Variants in AATF observed in about 807,000 individuals in gnomAD.
AATF encodes protein AATF.
Under a neutral mutation model 63.7 loss-of-function variants are expected in AATF, and 48 were observed. That is an observed-to-expected ratio of 0.75 (90% CI 0.60 to 0.96). AATF has a LOEUF of 0.96. Among genes scored for constraint, AATF ranks in the 40% least tolerant of loss-of-function variants. The pLI is 0.00. For synonymous variants in AATF, 258 were observed against 247.7 expected (o/e 1.04, Z -0.39); for missense variants, 639 against 685.7 (o/e 0.93, Z 0.76).
At chr17:37,053,828 T>C (rs2071774933) in intron 11 of AATF, among the ~76,000 whole-genome samples, 1 of 152,128 alleles carries the variant, frequency 6.6e-6, no homozygotes, top group Non-Finnish European at 1.5e-5. Context: ...ATTGCGCCAC[T>C]GCACTCCAGC....
intron 8 of AATF, among the ~76,000 whole-genome samples, chr17:36,998,022 A>G (rs998220334): frequency 1.3e-5 from 2 of 152,192 alleles, no homozygotes; most frequent in African/African-American, 4.8e-5. Flanking sequence ...GAGCTAAGCT[A>G]TGAGGACACA....
chr17:37,020,828 G>A lies in AATF; in HGVS notation c.1467-106G>A, dbSNP rs1398116630. 4 of 881,732 alleles carry A rather than the reference G, an allele frequency of 4.5e-6. No homozygotes were observed. The East Asian group carries it at 8.8e-5, about 19-fold the overall frequency. The allele number at this position is 881,732 out of a possible 1,614,324, so 54.6% of individuals were successfully genotyped here. ...AAACTAGCTTGAGGAACTTGATGTA[G>A]GTTGATGATTTCTTTCTGCAGGGTT... On this transcript the variant is annotated intron_variant, in intron 9 of 11. Coordinates refer to ENST00000619387, the MANE Select transcript of AATF (RefSeq NM_012138.4).
At chr17:37,016,547 CAT>C (rs1217667960) in intron 8 of AATF, among the ~76,000 whole-genome samples, 1 of 152,106 alleles carries the variant, frequency 6.6e-6, no homozygotes, top group Non-Finnish European at 1.5e-5. Context: ...TTCCAAATCA[CAT>C]AGAAAATTAC....
intron 8 of AATF, among the ~76,000 whole-genome samples, chr17:37,017,766 A>C (rs1597727390): frequency 6.6e-6 from 1 of 152,316 alleles, no homozygotes; most frequent in South Asian, 2.1e-4. Context: ...TTTGCAATAA[A>C]GATTCATCTT....
intron 11 of AATF, among the ~76,000 whole-genome samples, chr17:37,049,850 C>A (rs1317365608): frequency 6.6e-6 from 1 of 152,130 alleles, no homozygotes; most frequent in African/African-American, 2.4e-5. Context: ...ATAGATAGAA[C>A]AGAAGAGAGT....
rs538644442 is a variant in AATF at position 36,994,149 on chromosome 17, G to A, written c.1398+3292G>A. Among the ~76,000 whole-genome samples the A allele has an allele frequency of 5.9e-5, 9 of 152,198 alleles. No individual in the cohort carries two copies. The South Asian group carries it at 1.2e-3, about 21-fold the overall frequency. ...TGACACCCTGAGAAGTTAAGTAACC[G>A]TCTGACATCATATAGTAAATGGCAA... is the stretch of plus-strand genomic sequence containing the variant. On this transcript the variant is annotated intron_variant, in intron 8 of 11. Coordinates refer to ENST00000619387, the MANE Select transcript of AATF (RefSeq NM_012138.4).
intron 11 of AATF, among the ~76,000 whole-genome samples, chr17:37,049,563 C>T (rs2071728050): frequency 6.6e-6 from 1 of 151,452 alleles, no homozygotes; most frequent in Non-Finnish European, 1.5e-5. Flanking sequence ...CGAGATGGCG[C>T]CACTGCACTC....
chr17:36,969,829 C>G (rs1159604572), intron 4 of AATF, among the ~76,000 whole-genome samples: 3 of 152,274 alleles, frequency 2.0e-5, no homozygotes, highest in South Asian at 2.1e-4. Flanking sequence ...CTATTTGTCC[C>G]TAGGCAACCA....
chr17:36,950,459 A>G (rs2070846137), intron 2 of AATF, 54 bp downstream of exon 2: 3 of 1,531,072 alleles, frequency 2.0e-6, no homozygotes, highest in South Asian at 2.3e-5. Context: ...TTTCAGGGTT[A>G]AAATCCTCCG....
Position 36,949,311 on chromosome 17 carries a change from G to C in AATF, c.91+95G>C, listed in dbSNP as rs535525047. 2.0e-4 allele frequency: 240 copies of C among 1,210,014 alleles called. No homozygotes were observed. The South Asian group carries it at 3.5e-3, about 18-fold the overall frequency. The allele number at this position is 1,210,014 out of a possible 1,614,324, so 75.0% of individuals were successfully genotyped here. On this transcript the variant is annotated intron_variant, in intron 1 of 11. Transcript: ENST00000619387. Reference sequence around the variant, plus strand: ...GGGAGGGGCGTGCGCGAGGCCGCCGGGCCTGCGCTCCTTCGCTTGGCGCAG... The same window carrying C: ...GGGAGGGGCGTGCGCGAGGCCGCCGCGCCTGCGCTCCTTCGCTTGGCGCAG...
intron 10 of AATF, 194 bp from the exon 11 acceptor site, chr17:37,031,420 C>T (rs1472481792): frequency 5.0e-6 from 3 of 605,856 alleles, no homozygotes; most frequent in Non-Finnish European, 8.9e-6. Flanking sequence ...AACCATTCCT[C>T]CACAGATACC....
At chr17:36,975,239 G>T (rs760096511) in intron 4 of AATF, among the ~76,000 whole-genome samples, 1 of 151,826 alleles carries the variant, frequency 6.6e-6, no homozygotes, top group African/African-American at 2.4e-5. Flanking sequence ...ATGCCTGCAG[G>T]TCTTTTTTTT....
At chr17:36,975,899 C>T (rs763901696) in intron 4 of AATF, among the ~76,000 whole-genome samples, 86 of 152,306 alleles carry the variant, frequency 5.6e-4, no homozygotes, top group Non-Finnish European at 1.0e-3. Flanking sequence ...AGCATCTTCT[C>T]TGATGTACAT....
intron 11 of AATF, 48 bp from the exon 12 acceptor site, chr17:37,056,553 T>C: frequency 6.3e-7 from 1 of 1,594,574 alleles, no homozygotes; most frequent in Non-Finnish European, 8.6e-7. Context: ...TTTTTAACCT[T>C]GAATAGTGAA....
chr17:37,005,353 A>G (rs2071334098), intron 8 of AATF, among the ~76,000 whole-genome samples: 1 of 152,168 alleles, frequency 6.6e-6, no homozygotes, highest in Non-Finnish European at 1.5e-5. Context: ...GAGAGAAGTA[A>G]GCACAGGAGG....
chr17:36,976,176 T>C (rs991713689), intron 4 of AATF, among the ~76,000 whole-genome samples: 2 of 152,242 alleles, frequency 1.3e-5, no homozygotes, highest in Admixed American at 6.5e-5. Flanking sequence ...CATTACACTC[T>C]GTTTCCCAGA....
intron 4 of AATF, among the ~76,000 whole-genome samples, chr17:36,968,270 C>CTTTTTTTTTTTTTTTTTTTTTTTTTT (rs3049638): frequency 1.3e-4 from 3 of 23,792 alleles, no homozygotes; most frequent in Non-Finnish European, 2.3e-4. Context: ...TTCCTTCTTT[C>CTTTTTTTTTTTTTTTTTTTTTTTTTT]TTTTTTTTTT....
chr17:37,000,715 C>T (rs73286008), intron 8 of AATF, among the ~76,000 whole-genome samples: 14,479 of 152,018 alleles, frequency 0.095, 2,145 homozygotes, highest in African/African-American at 0.32. Context: ...TCGAAGCCCA[C>T]GTCCTGGAAC....
chr17:36,990,084 C>T (rs983204300), intron 7 of AATF, among the ~76,000 whole-genome samples: 1 of 133,426 alleles, frequency 7.5e-6, no homozygotes, highest in Admixed American at 7.2e-5. Context: ...TATATGTGTG[C>T]AAATAACAAA....
Sources: allele counts gnomAD v4.1 joint callset (sites outside exome capture counted in the v4.1 genomes callset), GRCh38; gene constraint gnomAD v4.1.1; transcripts MANE v1.5; gene names NCBI Gene and HGNC (gene_info 2026-07-23, HGNC 2026-07-21).